Variants in AKAP9 observed in about 807,000 individuals in gnomAD.
AKAP9 encodes the protein A-kinase anchoring protein 9, also known as A-kinase anchor protein 9.
In AKAP9, 311 loss-of-function variants were observed where a neutral mutation model predicts 488.5. That is an observed-to-expected ratio of 0.64 (90% CI 0.58 to 0.70). AKAP9 has a LOEUF of 0.70. AKAP9 is among the 30% of genes least tolerant of loss of function. AKAP9 has a pLI of 0.00. For missense variants in AKAP9, 4,215 were observed against 4,374.5 expected (o/e 0.96, Z 1.03); for synonymous variants, 1,462 against 1,483.5 (o/e 0.99, Z 0.33).
intron 1 of AKAP9, among the ~76,000 whole-genome samples, chr7:91,952,031 T>C (rs914410530): frequency 1.3e-5 from 2 of 152,210 alleles, no homozygotes; most frequent in Non-Finnish European, 2.9e-5. Context: ...ATCCTATATA[T>C]TGTCACTGGG....
At position 92,003,068 on chromosome 7, in the gene AKAP9, G is replaced by A; in HGVS notation, c.3151G>A (p.Glu1051Lys). The A allele has an allele frequency of 6.2e-7, 1 of 1,612,908 alleles. No homozygotes were observed. Among genetic ancestry groups the A allele is most frequent in the South Asian group, 1.1e-5 (1 of 90,812 alleles). Residue 1051 changes from glutamate to lysine, a missense_variant, in exon 8 of 50, where the codon GAA (glutamate) becomes AAA (lysine). Glu to Lys is a moderately conservative substitution (Grantham distance 56). This residue lies in a region of AKAP9 where 2,361 missense variants were observed against 2,430.0 expected (regional missense o/e 0.97). Coordinates refer to ENST00000356239, the MANE Select transcript of AKAP9 (RefSeq NM_005751.5). ...TGGTGAAGAATCAAAAATAATGGTG[G>A]AAGATAAAGTTTCTTTTGAAAATAT... is the stretch of plus-strand genomic sequence containing the variant. ...SFGEESKIMV[E>K]DKVSFENMTV... is the part of the protein sequence containing the mutation.
chr7:92,014,815 G>T lies in AKAP9; in HGVS notation c.3612+487G>T, dbSNP rs377355766. On this transcript the variant is annotated intron_variant, in intron 10 of 49. Coordinates refer to ENST00000356239, the MANE Select transcript of AKAP9 (RefSeq NM_005751.5). ...AGCATTAAAAATTTTCCTGATAATC[G>T]GTTTGAAACAAAAGAAATTCAGGTA... Among the ~76,000 whole-genome samples the T allele has an allele frequency of 2.4e-3, 367 of 152,076 alleles. 3 individuals are homozygous for T. Among genetic ancestry groups the T allele is most frequent in the African/African-American group, 8.4e-3 (350 of 41,496 alleles).
intron 7 of AKAP9, among the ~76,000 whole-genome samples, chr7:91,997,337 C>G (rs898785700): frequency 6.6e-6 from 1 of 152,156 alleles, no homozygotes; most frequent in African/African-American, 2.4e-5. Context: ...CTGAATAGGT[C>G]TGGCTTCATA....
intron 44 of AKAP9, among the ~76,000 whole-genome samples, chr7:92,100,464 C>T (rs949093404): frequency 1.3e-5 from 2 of 152,198 alleles, no homozygotes; most frequent in African/African-American, 4.8e-5. Flanking sequence ...AACACATTTA[C>T]GTGCCTTTTA....
chr7:91,965,792 G>C (rs1794371362), intron 1 of AKAP9, among the ~76,000 whole-genome samples: 1 of 152,146 alleles, frequency 6.6e-6, no homozygotes, highest in South Asian at 2.1e-4. Context: ...GTAACATTGA[G>C]CATTGTTTCA....
Position 92,097,213 on chromosome 7 carries a change from G to GC in AKAP9, c.10255dup (p.Leu3419ProfsTer10). The stretch of plus-strand genomic sequence containing the variant: ...CCAAAGTGGAAGATCTTCAGCGCCA[G>GC]CTGGAAGAGAAAAGACAACAAGTTT... On this transcript the variant is annotated frameshift_variant, in exon 41 of 50. Transcript: ENST00000356239. LOFTEE classifies it high-confidence loss of function. The GC allele has an allele frequency of 6.2e-7, 1 of 1,612,664 alleles. No homozygotes were observed. Among genetic ancestry groups the GC allele is most frequent in the African/African-American group, 1.3e-5 (1 of 74,844 alleles).
Position 92,028,295 on chromosome 7 carries a change from TAAAAA to T in AKAP9, c.4149-1576_4149-1572del, listed in dbSNP as rs57352733. ...ACACCCAAGAATGATCAATAAATACTAAAAAAAAAAAAAAAAAAAAAAAAAAAAGA... is the reference window on the plus strand; with the variant it reads ...ACACCCAAGAATGATCAATAAATACTAAAAAAAAAAAAAAAAAAAAAAAGA... On this transcript the variant is annotated intron_variant, in intron 14 of 49. Coordinates refer to ENST00000356239, the MANE Select transcript of AKAP9 (RefSeq NM_005751.5). 1.7e-4 allele frequency among the ~76,000 whole-genome samples: 11 copies of T among 65,082 alleles called. No homozygotes were observed. In the East Asian group the frequency reaches 2.7e-3, roughly 16 times the overall value. The allele number at this position is 65,082 out of a possible 152,430, so 42.7% of individuals were successfully genotyped here.
In AKAP9 at chr7:92,107,563, G is replaced by A. The variant is rs1036872264; in HGVS notation, c.11546+141G>A. On this transcript the variant is annotated intron_variant, in intron 48 of 49. Transcript: ENST00000356239. Reference sequence around the variant, plus strand: ...TATAATTTACATAATATGACCAAGTGCGGTGGCTCACACCTATAATCCCAG... The same window carrying A: ...TATAATTTACATAATATGACCAAGTACGGTGGCTCACACCTATAATCCCAG... 3.1e-5 allele frequency: 26 copies of A among 832,090 alleles called. No individual in the cohort carries two copies. The South Asian group carries it at 3.9e-4, about 13-fold the overall frequency. 51.5% of individuals were successfully genotyped at this position (832,090 alleles called of 1,614,324 possible).
intron 30 of AKAP9, 38 bp downstream of exon 30, chr7:92,077,913 A>G: frequency 6.5e-7 from 1 of 1,533,860 alleles, no homozygotes. Flanking sequence ...ATTAATATGA[A>G]CCAGAGTTTT....
chr7:91,969,236 T>G (rs1020528627), intron 1 of AKAP9, among the ~76,000 whole-genome samples: 2 of 152,158 alleles, frequency 1.3e-5, no homozygotes, highest in African/African-American at 4.8e-5. Context: ...AGGTACTTCT[T>G]GTGACTGATT....
chr7:92,102,557 C>G (rs758713383), intron 45 of AKAP9, 37 bp from the exon 46 acceptor site: 38 of 1,586,000 alleles, frequency 2.4e-5, no homozygotes, highest in Non-Finnish European at 3.1e-5. Context: ...TGAATGTTTT[C>G]TTAATGTCTT....
chr7:91,988,125 C>T (rs1386899950), intron 3 of AKAP9, among the ~76,000 whole-genome samples: 2 of 151,748 alleles, frequency 1.3e-5, no homozygotes, highest in African/African-American at 2.4e-5. Context: ...CTGTTTATTC[C>T]ACACGGTAAG....
chr7:92,028,259 C>T (rs1270224796), intron 14 of AKAP9, among the ~76,000 whole-genome samples: 1 of 148,290 alleles, frequency 6.7e-6, no homozygotes, highest in Admixed American at 6.7e-5. Context: ...CCACATCCCC[C>T]TCTCTGAGAA....
At chr7:92,004,704 A>G (rs922817148) in intron 8 of AKAP9, among the ~76,000 whole-genome samples, 5 of 152,150 alleles carry the variant, frequency 3.3e-5, no homozygotes, top group Admixed American at 6.5e-5. Flanking sequence ...TTATCAGCTT[A>G]AGGAGATTTT....
intron 21 of AKAP9, 141 bp from the exon 22 acceptor site, chr7:92,052,585 A>G (rs577945736): frequency 2.5e-5 from 15 of 592,478 alleles, no homozygotes; most frequent in Non-Finnish European, 4.4e-5. Context: ...ATATTTGCAT[A>G]TTTTATTTGT....
At chr7:91,965,110 C>G (rs745349752) in intron 1 of AKAP9, among the ~76,000 whole-genome samples, 47 of 152,102 alleles carry the variant, frequency 3.1e-4, no homozygotes, top group Non-Finnish European at 5.1e-4. Context: ...TATAGTCACC[C>G]TACCAATCTA....
At chr7:91,953,812 GC>G (rs1365909891) in intron 1 of AKAP9, among the ~76,000 whole-genome samples, 4 of 86,186 alleles carry the variant, frequency 4.6e-5, no homozygotes, top group African/African-American at 8.5e-5. Flanking sequence ...TTTACCCCCC[GC>G]CCCCCACCAC....
At chr7:92,083,121 T>C (rs1377624182) in intron 32 of AKAP9, 49 bp from the exon 33 acceptor site, 2 of 1,591,656 alleles carry the variant, frequency 1.3e-6, no homozygotes, top group Admixed American at 3.4e-5. Context: ...ACATTTAATA[T>C]GGGAAGATTT....
chr7:91,948,560 A>C (rs1161797291), intron 1 of AKAP9, among the ~76,000 whole-genome samples: 1 of 144,766 alleles, frequency 6.9e-6, no homozygotes, highest in African/African-American at 2.6e-5. Flanking sequence ...GAATAATGAT[A>C]TTGAGTATCA....
Sources: gnomAD v4.1 joint callset for allele counts (sites outside exome capture counted in the v4.1 genomes callset) on GRCh38, gnomAD v4.1.1 for gene constraint, gnomAD v4.1.1 regional missense constraint, MANE v1.5 for transcripts, NCBI Gene and HGNC (gene_info 2026-07-23, HGNC 2026-07-21) for gene names.